The following DPYSL3 variants were observed in gnomAD, a reference collection of about 807,000 sequenced individuals.
The protein encoded by DPYSL3 is dihydropyrimidinase-related protein 3.
A neutral mutation model predicts 66.1 loss-of-function variants in DPYSL3; 16 were observed. That is an observed-to-expected ratio of 0.24 (90% confidence interval 0.16 to 0.37). The LOEUF is 0.37. DPYSL3 is among the 10% of genes least tolerant of loss of function. The pLI, the probability that DPYSL3 is intolerant of heterozygous loss-of-function variation, is 1.00. For missense variants in DPYSL3, 738 were observed against 916.2 expected, an observed-to-expected ratio of 0.81 and a Z score of 2.51; for synonymous variants, 338 against 345.1, an observed-to-expected ratio of 0.98 and a Z score of 0.23.
intron 1 of DPYSL3, among the ~76,000 whole-genome samples, chr5:147,494,509 T>C (rs1304160099): frequency 7.3e-5 from 11 of 151,340 alleles, no homozygotes. Flanking sequence ...AGAGAAAAGA[T>C]ACAAATTACT....
chr5:147,482,037 A>G (rs896528971), intron 1 of DPYSL3, among the ~76,000 whole-genome samples: 1 of 152,170 alleles, frequency 6.6e-6, no homozygotes, highest in Non-Finnish European at 1.5e-5. Flanking sequence ...CTCTTTGTCT[A>G]GGGGAAACAT....
At chr5:147,424,807 C>A in intron 2 of DPYSL3, 68 bp downstream of exon 2, 2 of 1,217,672 alleles carry the variant, frequency 1.6e-6, no homozygotes, top group East Asian at 2.4e-5. Context: ...TGTAATCCAA[C>A]CTCCTTTATG....
At chr5:147,410,334 T>C (rs537393858) in intron 6 of DPYSL3, among the ~76,000 whole-genome samples, 1 of 152,340 alleles carries the variant, frequency 6.6e-6, no homozygotes, top group East Asian at 1.9e-4. Context: ...TGACTTTTCC[T>C]AATTCCAGAA....
chr5:147,448,162 C>T (rs998354407), intron 1 of DPYSL3, among the ~76,000 whole-genome samples: 3 of 151,790 alleles, frequency 2.0e-5, no homozygotes, highest in Non-Finnish European at 4.4e-5. Flanking sequence ...AGCAGTCAAG[C>T]CACTAAAAAA....
At chr5:147,409,787 T>C (rs1400323382) in intron 6 of DPYSL3, among the ~76,000 whole-genome samples, 3 of 152,210 alleles carry the variant, frequency 2.0e-5, no homozygotes, top group Admixed American at 2.0e-4. Context: ...ACTCTGGTAA[T>C]GTGTGAGACA....
intron 1 of DPYSL3, among the ~76,000 whole-genome samples, chr5:147,451,046 C>A (rs1207462948): frequency 6.6e-6 from 1 of 152,202 alleles, no homozygotes; most frequent in South Asian, 2.1e-4. Flanking sequence ...GTACCTCAAC[C>A]TTCACAGTAT....
chr5:147,391,122 G>A lies in DPYSL3; in HGVS notation c.*2913C>T, dbSNP rs1002154938. The A allele has an allele frequency of 6.6e-6, 1 of 152,570 alleles. No individual in the cohort carries two copies. Among genetic ancestry groups the A allele is most frequent in the African/African-American group, 2.4e-5 (1 of 41,428 alleles). The allele number at this position is 152,570 out of a possible 1,614,324, so 9.5% of individuals were successfully genotyped here. A position where few individuals can be genotyped will look rare whatever the true frequency, so the allele number is the denominator to read the frequency against. On this transcript the variant is annotated 3_prime_UTR_variant, in exon 14 of 14. Coordinates refer to ENST00000343218, the MANE Select transcript of DPYSL3 (RefSeq NM_001197294.2). ...TGGAGTTTTCCAGGGGAGAAAGCCT[G>A]GGAAGCTTGTGGCAAGGAAGTTGGG... is the stretch of plus-strand genomic sequence containing the variant.
chr5:147,408,927 T>C, intron 6 of DPYSL3, 131 bp from the exon 7 acceptor site: 1 of 898,330 alleles, frequency 1.1e-6, no homozygotes, highest in South Asian at 1.6e-5. Flanking sequence ...AATCCTATAT[T>C]TGGAGTTGCA....
chr5:147,407,593 G>A (rs1581177135), intron 7 of DPYSL3, among the ~76,000 whole-genome samples: 1 of 152,190 alleles, frequency 6.6e-6, no homozygotes, highest in South Asian at 2.1e-4. Flanking sequence ...TAACCTCTCT[G>A]AGCTTCAGCT....
chr5:147,468,466 T>C (rs1309840496), intron 1 of DPYSL3, among the ~76,000 whole-genome samples: 3 of 152,240 alleles, frequency 2.0e-5, no homozygotes, highest in Non-Finnish European at 4.4e-5. Context: ...TTAGTCTTTA[T>C]TTTGTCACCA....
At chr5:147,485,374 AG>A (rs1753314299) in intron 1 of DPYSL3, among the ~76,000 whole-genome samples, 1 of 152,190 alleles carries the variant, frequency 6.6e-6, no homozygotes, top group Non-Finnish European at 1.5e-5. Context: ...CTTCCTTCAA[AG>A]GGCCAAGCGA....
intron 1 of DPYSL3, among the ~76,000 whole-genome samples, chr5:147,507,457 C>T (rs1323972952): frequency 6.6e-6 from 1 of 151,744 alleles, no homozygotes; most frequent in Non-Finnish European, 1.5e-5. Flanking sequence ...AGCTATGTGG[C>T]AAAACAGATG....
chr5:147,405,798 C>T lies in DPYSL3; in HGVS notation c.1033-68G>A, dbSNP rs142579829. On this transcript the variant is annotated intron_variant, in intron 7 of 13. Transcript: ENST00000343218. ...CTCAAACTGGTGGCTCCCACCTCCA[C>T]GAACTGTGAGGATGCAGTGCTGCAC... The T allele has an allele frequency of 1.8e-4, 287 of 1,556,104 alleles. 1 individual carries two copies. The highest frequency in any genetic ancestry group is 1.2e-3 in the Middle Eastern group (6 of 5,184).
chr5:147,429,893 A>G (rs550249097), intron 1 of DPYSL3, among the ~76,000 whole-genome samples: 15 of 152,348 alleles, frequency 9.8e-5, no homozygotes, highest in Admixed American at 8.5e-4. Flanking sequence ...CACTACTGAT[A>G]AAATCAGTGC....
In DPYSL3 at chr5:147,439,101, T is replaced by A. The variant is rs1044164988; in HGVS notation, c.382-14138A>T. On this transcript the variant is annotated intron_variant, in intron 1 of 13. Transcript: ENST00000343218. ...CATTAGTCTAAATTAATTCATTCATTCCTTCATCTAATATTTGTAAATGCC... is the reference window on the plus strand; with the variant it reads ...CATTAGTCTAAATTAATTCATTCATACCTTCATCTAATATTTGTAAATGCC... 1.1e-4 allele frequency among the ~76,000 whole-genome samples: 16 copies of A among 152,354 alleles called. No homozygotes were observed. The South Asian group carries it at 3.1e-3, about 30-fold the overall frequency.
chr5:147,465,403 G>T (rs967290266), intron 1 of DPYSL3, among the ~76,000 whole-genome samples: 1 of 151,966 alleles, frequency 6.6e-6, no homozygotes, highest in South Asian at 2.1e-4. Context: ...GGATTCAAGC[G>T]ATTCTCCTGC....
chr5:147,404,039 C>T (rs182542493), intron 8 of DPYSL3, among the ~76,000 whole-genome samples: 119 of 152,232 alleles, frequency 7.8e-4, no homozygotes, highest in African/African-American at 2.4e-3. Flanking sequence ...GGCATGAGGG[C>T]GGTGGGTGGT....
At chr5:147,402,199 T>C (rs963927108) in intron 8 of DPYSL3, among the ~76,000 whole-genome samples, 1 of 152,224 alleles carries the variant, frequency 6.6e-6, no homozygotes, top group Non-Finnish European at 1.5e-5. Context: ...TCGCTTTCTT[T>C]ACCTGTTATG....
chr5:147,482,505 A>G (rs946613258), intron 1 of DPYSL3, among the ~76,000 whole-genome samples: 1 of 152,222 alleles, frequency 6.6e-6, no homozygotes, highest in African/African-American at 2.4e-5. Context: ...CAATATTTCT[A>G]GAACTCTTGA....
Sources: gnomAD v4.1 joint callset for allele counts (sites outside exome capture counted in the v4.1 genomes callset) on GRCh38, gnomAD v4.1.1 for gene constraint, MANE v1.5 for transcripts, NCBI Gene and HGNC (gene_info 2026-07-23, HGNC 2026-07-21) for gene names.